Variants in KCNQ1 observed in about 807,000 individuals in gnomAD.
KCNQ1 encodes potassium voltage-gated channel subfamily KQT member 1.
Under a neutral mutation model 72.4 loss-of-function variants are expected in KCNQ1, and 49 were observed. The observed-to-expected ratio is 0.68, with a 90% CI of 0.54 to 0.86. The LOEUF is 0.86. Ranked by LOEUF, KCNQ1 falls within the 40% of genes least tolerant of loss-of-function variation. The pLI is 0.00. For missense variants in KCNQ1, 790 were observed against 945.1 expected (o/e 0.84, Z 2.15); for synonymous variants, 450 against 412.6 (o/e 1.09, Z -1.10).
intron 11 of KCNQ1, among the ~76,000 whole-genome samples, chr11:2,740,038 G>T (rs988194750): frequency 6.6e-6 from 1 of 152,256 alleles, no homozygotes; most frequent in Non-Finnish European, 1.5e-5. Flanking sequence ...GGTCCCCGTG[G>T]CTTCACCCTG....
Position 2,486,140 on chromosome 11 carries a change from C to T in KCNQ1, c.386+40656C>T, listed in dbSNP as rs1846737032. 6.6e-6 allele frequency among the ~76,000 whole-genome samples: 1 copy of T among 152,120 alleles called. No homozygotes were observed. The highest frequency in any genetic ancestry group is 2.1e-4 in the South Asian group (1 of 4,830). ...CTATGCCGTTTTCCACAGTAGCTAC[C>T]ACATCCTCACCAACACTTGTAATTT... On this transcript the variant is annotated intron_variant, in intron 1 of 15. Transcript: ENST00000155840. This position sits in a 1 kb window ranked among gnomAD's most constrained non-coding sequence, Gnocchi z 5.0.
chr11:2,697,327 C>G, intron 11 of KCNQ1: 1 of 398,566 alleles, frequency 2.5e-6, no homozygotes, highest in Non-Finnish European at 4.4e-6. Flanking sequence ...AGACCATCAA[C>G]CCTATGAGCT....
intron 11 of KCNQ1, chr11:2,680,368 C>A: frequency 2.5e-6 from 1 of 398,388 alleles, no homozygotes; most frequent in Non-Finnish European, 4.4e-6. Flanking sequence ...AGTTTACCCA[C>A]ATGTTCAAAT....
chr11:2,506,823 T>C (rs938087173), intron 1 of KCNQ1, among the ~76,000 whole-genome samples: 2 of 152,240 alleles, frequency 1.3e-5, no homozygotes, highest in African/African-American at 4.8e-5. Context: ...TGTAATTACA[T>C]TGAATTTGAA....
intron 1 of KCNQ1, among the ~76,000 whole-genome samples, chr11:2,523,480 G>T (rs916974329): frequency 2.0e-5 from 3 of 152,206 alleles, no homozygotes; most frequent in Non-Finnish European, 4.4e-5. Context: ...GATTGCAGGT[G>T]TGAGCCGCCG....
At chr11:2,686,942 C>T (rs996619605) in intron 11 of KCNQ1, 1 of 398,676 alleles carries the variant, frequency 2.5e-6, no homozygotes, top group Admixed American at 4.4e-5. Flanking sequence ...TGATGCGGAG[C>T]ATGCCCAGCT....
intron 1 of KCNQ1, among the ~76,000 whole-genome samples, chr11:2,523,213 T>A (rs556129404): frequency 0.022 from 3,292 of 149,714 alleles, 107 homozygotes; most frequent in African/African-American, 0.071. Flanking sequence ...TTTTTTTTTG[T>A]GGTGGAGTCT....
In KCNQ1 at chr11:2,536,547, T is replaced by A. The variant is rs1847734980; in HGVS notation, c.477+8529T>A. Among the ~76,000 whole-genome samples, 1 of 151,846 alleles carries A rather than the reference T, an allele frequency of 6.6e-6. No individual in the cohort carries two copies. Among genetic ancestry groups the A allele is most frequent in the Non-Finnish European group, 1.5e-5 (1 of 67,986 alleles). On this transcript the variant is annotated intron_variant, in intron 2 of 15. Coordinates refer to ENST00000155840, the MANE Select transcript of KCNQ1 (RefSeq NM_000218.3). The surrounding 1 kb of genome is among the most constrained non-coding windows in gnomAD (Gnocchi z 7.4). ...GACACTGAGGGTCGGGAGGGTAACA[T>A]GTGATTTTGAGGCCACCCGCTACAG...
In KCNQ1 at chr11:2,464,988, C is replaced by G. The variant is rs1293622993; in HGVS notation, c.386+19504C>G. Among the ~76,000 whole-genome samples the G allele has an allele frequency of 2.0e-5, 3 of 152,096 alleles. No individual in the cohort carries two copies. Among genetic ancestry groups the G allele is most frequent in the Non-Finnish European group, 4.4e-5 (3 of 68,008 alleles). ...CCAGTGCAGGGAGCTGCCCCGGCCG[C>G]CCCCGTGGGTGCAGGCCATGGGCTC... On this transcript the variant is annotated intron_variant, in intron 1 of 15. Coordinates refer to ENST00000155840, the MANE Select transcript of KCNQ1 (RefSeq NM_000218.3). This position sits in a 1 kb window ranked among gnomAD's most constrained non-coding sequence, Gnocchi z 5.0.
At position 2,464,180 on chromosome 11, in the gene KCNQ1, G is replaced by C. The variant is rs896496746; in HGVS notation, c.386+18696G>C. ...AGATACAAGCTGTACGCAGTGGGCC[G>C]CAGGCGCTCCCTGGGCCGGAACACA... On this transcript the variant is annotated intron_variant, in intron 1 of 15. Transcript: ENST00000155840. The surrounding 1 kb of genome is among the most constrained non-coding windows in gnomAD (Gnocchi z 5.0). Among the ~76,000 whole-genome samples the C allele has an allele frequency of 6.6e-6, 1 of 152,172 alleles. No homozygotes were observed. The highest frequency in any genetic ancestry group is 2.4e-5 in the African/African-American group (1 of 41,440).
At chr11:2,461,073 C>T (rs549791227) in intron 1 of KCNQ1, among the ~76,000 whole-genome samples, 8 of 152,292 alleles carry the variant, frequency 5.3e-5, no homozygotes, top group East Asian at 1.9e-4. Flanking sequence ...AGCCAATGGC[C>T]GTGGCTGGGG....
At position 2,550,877 on chromosome 11, in the gene KCNQ1, AG is replaced by A. The variant is rs767102372; in HGVS notation, c.478-19750del. Among the ~76,000 whole-genome samples, 23 of 151,850 alleles carry A rather than the reference AG, an allele frequency of 1.5e-4. 1 individual carries two copies. The East Asian group carries it at 2.3e-3, about 15-fold the overall frequency. On this transcript the variant is annotated intron_variant, in intron 2 of 15. Transcript: ENST00000155840. This position sits in a 1 kb window ranked among gnomAD's most constrained non-coding sequence, Gnocchi z 6.0. ...CGAGGGGTGCCTGGGGAGGCTGCCA[AG>A]TGAGGGGGGGGCACAGACTGAGACA... is the stretch of plus-strand genomic sequence containing the variant.
At position 2,543,509 on chromosome 11, in the gene KCNQ1, A is replaced by G. The variant is rs993685581; in HGVS notation, c.477+15491A>G. 2.6e-5 allele frequency among the ~76,000 whole-genome samples: 4 copies of G among 152,178 alleles called. No homozygotes were observed. Among genetic ancestry groups the G allele is most frequent in the African/African-American group, 7.2e-5 (3 of 41,436 alleles). On this transcript the variant is annotated intron_variant, in intron 2 of 15. Coordinates refer to ENST00000155840, the MANE Select transcript of KCNQ1 (RefSeq NM_000218.3). This position sits in a 1 kb window ranked among gnomAD's most constrained non-coding sequence, Gnocchi z 5.6. ...GGCTGGTGTCAAACTCCTGGCCTCA[A>G]GCGATCCCCTTGCCTCGGCCTCCCA...
At chr11:2,597,740 A>C (rs572196386) in intron 10 of KCNQ1, among the ~76,000 whole-genome samples, 1 of 152,300 alleles carries the variant, frequency 6.6e-6, no homozygotes, top group East Asian at 1.9e-4. Context: ...GTTTTATAGG[A>C]TATCTTTAGT....
chr11:2,612,196 C>T lies in KCNQ1; in HGVS notation c.1393+23342C>T. 2.5e-6 allele frequency: 1 copy of T among 398,684 alleles called. No individual in the cohort carries two copies. The highest frequency in any genetic ancestry group is 3.6e-5 in the East Asian group (1 of 28,078). The allele number at this position is 398,684 out of a possible 1,614,324, so 24.7% of individuals were successfully genotyped here. On this transcript the variant is annotated intron_variant, in intron 10 of 15. Coordinates refer to ENST00000155840, the MANE Select transcript of KCNQ1 (RefSeq NM_000218.3). The surrounding 1 kb of genome is among the most constrained non-coding windows in gnomAD (Gnocchi z 5.5). ...GTGAGCAGCAGGCAAGCAAGCATTA[C>T]TGCCTGAGCTCTGCCTCCTGTCTGA...
chr11:2,843,348 G>A (rs1015408528), intron 15 of KCNQ1, among the ~76,000 whole-genome samples: 5 of 152,118 alleles, frequency 3.3e-5, no homozygotes, highest in Admixed American at 2.0e-4. Flanking sequence ...TCTAGGTACC[G>A]CCCTGAGAGT....
At position 2,612,226 on chromosome 11, in the gene KCNQ1, T is replaced by C. The variant is rs1387893941; in HGVS notation, c.1393+23372T>C. On this transcript the variant is annotated intron_variant, in intron 10 of 15. Transcript: ENST00000155840. The surrounding 1 kb of genome is among the most constrained non-coding windows in gnomAD (Gnocchi z 5.5). ...TGAGCTCTGCCTCCTGTCTGATCAG[T>C]GATGGCATTAGATTCTCACAGAGAG... 8 of 398,476 alleles carry C rather than the reference T, an allele frequency of 2.0e-5. No homozygotes were observed. The highest frequency in any genetic ancestry group is 1.2e-4 in the African/African-American group (6 of 48,610). The allele number at this position is 398,476 out of a possible 1,614,324, so 24.7% of individuals were successfully genotyped here. A position where few individuals can be genotyped will look rare whatever the true frequency, so the allele number is the denominator to read the frequency against.
chr11:2,797,785 C>T (rs1393541860), intron 15 of KCNQ1, among the ~76,000 whole-genome samples: 3 of 152,146 alleles, frequency 2.0e-5, no homozygotes, highest in Non-Finnish European at 4.4e-5. Context: ...GAGCCTGCCT[C>T]ACCCTGACCA....
Position 2,627,494 on chromosome 11 carries a change from T to C in KCNQ1, c.1394-34467T>C, listed in dbSNP as rs1849280708. 2.5e-6 allele frequency: 1 copy of C among 398,534 alleles called. No individual in the cohort carries two copies. Among genetic ancestry groups the C allele is most frequent in the African/African-American group, 2.1e-5 (1 of 48,734 alleles). The allele number at this position is 398,534 out of a possible 1,614,324, so 24.7% of individuals were successfully genotyped here. A position where few individuals can be genotyped will look rare whatever the true frequency, so the allele number is the denominator to read the frequency against. ...ACCCCTAGTAACCACCCTTCTACTC[T>C]CCGTTTCTCTGAGTTCAAGCTTTTT... On this transcript the variant is annotated intron_variant, in intron 10 of 15. Coordinates refer to ENST00000155840, the MANE Select transcript of KCNQ1 (RefSeq NM_000218.3). This position sits in a 1 kb window ranked among gnomAD's most constrained non-coding sequence, Gnocchi z 4.9.
Sources: allele counts gnomAD v4.1 joint callset (sites outside exome capture counted in the v4.1 genomes callset), GRCh38; gene constraint gnomAD v4.1.1; non-coding constraint Gnocchi (gnomAD v3.1); transcripts MANE v1.5; gene names NCBI Gene and HGNC (gene_info 2026-07-23, HGNC 2026-07-21).